Variants in SRGAP3 observed in about 807,000 individuals in gnomAD.
SRGAP3 encodes SLIT-ROBO Rho GTPase activating protein 3.
In SRGAP3, 39 loss-of-function variants were observed where a neutral mutation model predicts 121.1. The observed-to-expected ratio is 0.32, with a 90% CI of 0.25 to 0.42. The LOEUF is 0.42. Ranked by LOEUF, SRGAP3 falls within the 10% of genes least tolerant of loss-of-function variation. The probability of loss-of-function intolerance (pLI) is 1.00; values close to 1 mark genes in which losing one functional copy is unlikely to be tolerated. For synonymous variants in SRGAP3, 601 were observed against 570.0 expected, an observed-to-expected ratio of 1.05 and a Z score of -0.77; for missense variants, 1,213 against 1,470.6, an observed-to-expected ratio of 0.82 and a Z score of 2.86.
chr3:8,984,074 G>A lies in SRGAP3; in HGVS notation c.*1445C>T, dbSNP rs1339666248. 4.3e-5 allele frequency: 10 copies of A among 231,928 alleles called. No homozygotes were observed. The highest frequency in any genetic ancestry group is 5.6e-5 in the Admixed American group (1 of 17,740). The allele number at this position is 231,928 out of a possible 1,614,324, so 14.4% of individuals were successfully genotyped here. A position where few individuals can be genotyped will look rare whatever the true frequency, so the allele number is the denominator to read the frequency against. ...AAATGGAATCGAAGGAGAGCGACCC[G>A]GAAGGGCTTTACTTGGCCAAGAGGC... On this transcript the variant is annotated 3_prime_UTR_variant, in exon 22 of 22. Transcript: ENST00000383836.
intron 3 of SRGAP3, among the ~76,000 whole-genome samples, chr3:9,084,732 C>T (rs1203013969): frequency 1.3e-5 from 2 of 152,174 alleles, no homozygotes; most frequent in Admixed American, 1.3e-4. Flanking sequence ...GCACCTCTTA[C>T]CAAAATCCTT....
Position 9,343,889 on chromosome 3 carries a change from G to A in SRGAP3, n.215-13293C>T, listed in dbSNP as rs190593452. On this transcript the variant is annotated intron_variant and non_coding_transcript_variant, in intron 1 of 3. Coordinates refer to the SRGAP3 transcript ENST00000490889. ...TTGCCATGTTGCCCAGGCTGGCCTC[G>A]AACTTCTAATCTGCCTAAAGTTCTA... Among the ~76,000 whole-genome samples, 122 of 152,192 alleles carry A rather than the reference G, an allele frequency of 8.0e-4. 3 individuals are homozygous for A. Among genetic ancestry groups the A allele is most frequent in the South Asian group, 4.4e-3 (21 of 4,822 alleles).
intron 1 of SRGAP3, among the ~76,000 whole-genome samples, chr3:9,342,911 AG>A (rs1955816015): frequency 6.6e-6 from 1 of 152,220 alleles, no homozygotes; most frequent in Admixed American, 6.5e-5. Flanking sequence ...CTGAAATGAA[AG>A]CAACCTCGAA....
chr3:9,025,717 T>C (rs950378819), intron 13 of SRGAP3, among the ~76,000 whole-genome samples: 18 of 152,188 alleles, frequency 1.2e-4, no homozygotes, highest in African/African-American at 3.9e-4. Flanking sequence ...CTATCCCTTT[T>C]TTTTACATGT....
chr3:9,013,688 A>G (rs759024446), intron 16 of SRGAP3, 49 bp downstream of exon 16: 2 of 1,603,352 alleles, frequency 1.2e-6, no homozygotes, highest in Non-Finnish European at 1.7e-6. Context: ...CCCCCTCCCA[A>G]AAGAGGCCAG....
chr3:9,115,952 G>A (rs1212481774), intron 2 of SRGAP3, among the ~76,000 whole-genome samples: 1 of 152,218 alleles, frequency 6.6e-6, no homozygotes, highest in Non-Finnish European at 1.5e-5. Flanking sequence ...TGCTAAAAAG[G>A]AGATTGGAGG....
chr3:9,357,710 T>C (rs767203665), intron 1 of SRGAP3, among the ~76,000 whole-genome samples: 4 of 152,222 alleles, frequency 2.6e-5, no homozygotes, highest in Non-Finnish European at 5.9e-5. Flanking sequence ...ATTGTATTTA[T>C]TCTTAAGGAT....
chr3:9,144,327 C>T (rs1403084127), intron 1 of SRGAP3, among the ~76,000 whole-genome samples: 1 of 152,224 alleles, frequency 6.6e-6, no homozygotes, highest in Non-Finnish European at 1.5e-5. Context: ...ATCTTTCAGT[C>T]CCCTAGCCTT....
chr3:9,077,662 T>C (rs1947034771), intron 4 of SRGAP3, among the ~76,000 whole-genome samples: 1 of 152,174 alleles, frequency 6.6e-6, no homozygotes, highest in Non-Finnish European at 1.5e-5. Flanking sequence ...GTGTCTCCAA[T>C]ACCAGCGGCA....
intron 1 of SRGAP3, among the ~76,000 whole-genome samples, chr3:9,353,327 A>G (rs11919340): frequency 0.11 from 16,029 of 152,246 alleles, 2,782 homozygotes; most frequent in African/African-American, 0.36. Flanking sequence ...TGCTTTGCAA[A>G]AGCAGTGTTT....
At chr3:9,228,994 G>A (rs560986984) in intron 1 of SRGAP3, among the ~76,000 whole-genome samples, 5 of 150,996 alleles carry the variant, frequency 3.3e-5, no homozygotes, top group South Asian at 4.2e-4. Flanking sequence ...CCCGGGAAGC[G>A]GAGCTTGCAG....
At chr3:9,041,812 C>T (rs1037715329) in intron 10 of SRGAP3, among the ~76,000 whole-genome samples, 2 of 152,092 alleles carry the variant, frequency 1.3e-5, no homozygotes, top group Non-Finnish European at 2.9e-5. Context: ...TTAAGAGAAA[C>T]AGATGAGGCT....
intron 1 of SRGAP3, among the ~76,000 whole-genome samples, chr3:9,195,078 AC>A (rs1215702644): frequency 6.6e-6 from 1 of 152,108 alleles, no homozygotes; most frequent in Non-Finnish European, 1.5e-5. Context: ...ACCATGGCCG[AC>A]TCCAAGCTCC....
chr3:9,302,973 T>G (rs1405186411), intron 3 of SRGAP3, among the ~76,000 whole-genome samples: 2 of 144,824 alleles, frequency 1.4e-5, no homozygotes, highest in Non-Finnish European at 3.0e-5. Context: ...ACTTTTGAAA[T>G]AGTAAATGGT....
intron 1 of SRGAP3, among the ~76,000 whole-genome samples, chr3:9,145,306 G>A (rs1156558206): frequency 6.6e-6 from 1 of 152,294 alleles, no homozygotes; most frequent in South Asian, 2.1e-4. Flanking sequence ...ATGTTGGCCA[G>A]GCTGTTCTCG....
chr3:9,311,349 G>T (rs138037405), intron 3 of SRGAP3, among the ~76,000 whole-genome samples: 6 of 152,288 alleles, frequency 3.9e-5, no homozygotes, highest in African/African-American at 1.4e-4. Context: ...ACGTACTTCA[G>T]GAAAAAGTGC....
intron 3 of SRGAP3, among the ~76,000 whole-genome samples, chr3:9,272,187 T>TC (rs1954490424): frequency 6.6e-6 from 1 of 152,254 alleles, no homozygotes; most frequent in Non-Finnish European, 1.5e-5. Flanking sequence ...TGTCAGTCGT[T>TC]ACGGTGGTGT....
chr3:9,185,199 T>C (rs1951556960), intron 1 of SRGAP3, among the ~76,000 whole-genome samples: 1 of 152,216 alleles, frequency 6.6e-6, no homozygotes, highest in Non-Finnish European at 1.5e-5. Flanking sequence ...TCACAATCAC[T>C]ACTGACCTCT....
At chr3:9,301,588 A>C (rs1955055393) in intron 3 of SRGAP3, among the ~76,000 whole-genome samples, 1 of 152,222 alleles carries the variant, frequency 6.6e-6, no homozygotes, top group Admixed American at 6.5e-5. Flanking sequence ...GTAGAATTAC[A>C]GTGAGCACGG....
Sources: gnomAD v4.1 joint callset for allele counts (sites outside exome capture counted in the v4.1 genomes callset) on GRCh38, gnomAD v4.1.1 for gene constraint, MANE v1.5 for transcripts, NCBI Gene and HGNC (gene_info 2026-07-23, HGNC 2026-07-21) for gene names.